MAD1L1: variants seen among roughly 807,000 people sequenced by gnomAD.
MAD1L1 encodes mitotic arrest deficient 1 like 1.
A neutral mutation model predicts 96.9 loss-of-function variants in MAD1L1; 95 were observed. That is an observed-to-expected ratio of 0.98 (90% CI 0.83 to 1.16). MAD1L1 has a LOEUF of 1.16. MAD1L1 is among the 50% of genes most tolerant of loss of function. MAD1L1 has a pLI of 0.00. For missense variants in MAD1L1, 1,007 were observed against 954.4 expected, an observed-to-expected ratio of 1.06 and a Z score of -0.73; for synonymous variants, 473 against 396.6, an observed-to-expected ratio of 1.19 and a Z score of -2.29.
intron 10 of MAD1L1, among the ~76,000 whole-genome samples, chr7:2,210,218 G>A (rs897642056): frequency 3.9e-5 from 6 of 152,162 alleles, no homozygotes; most frequent in African/African-American, 1.2e-4. Context: ...GACTACAGGT[G>A]CACACCACTG....
chr7:2,100,575 C>T (rs920180434), intron 11 of MAD1L1, among the ~76,000 whole-genome samples: 1 of 152,238 alleles, frequency 6.6e-6, no homozygotes, highest in African/African-American at 2.4e-5. Flanking sequence ...CCTCCTGACA[C>T]CTGAGAGCAG....
chr7:1,888,956 C>T (rs1392464328), intron 18 of MAD1L1, among the ~76,000 whole-genome samples: 1 of 152,242 alleles, frequency 6.6e-6, no homozygotes, highest in Non-Finnish European at 1.5e-5. Context: ...TGAAAGCTTC[C>T]ATGATGCACT....
chr7:1,944,058 G>A (rs942591016), intron 16 of MAD1L1, among the ~76,000 whole-genome samples: 1 of 152,010 alleles, frequency 6.6e-6, no homozygotes, highest in Non-Finnish European at 1.5e-5. Context: ...AAAGGCCACA[G>A]GACTCCCTTC....
chr7:1,848,129 AG>A (rs968619177), intron 18 of MAD1L1: 2 of 232,456 alleles, frequency 8.6e-6, no homozygotes, highest in Admixed American at 5.1e-5. Context: ...TGTCGCTCTC[AG>A]GGCTGGGTCC....
chr7:2,120,333 C>T (rs1267654538), intron 11 of MAD1L1, among the ~76,000 whole-genome samples: 1 of 152,254 alleles, frequency 6.6e-6, no homozygotes, highest in Non-Finnish European at 1.5e-5. Flanking sequence ...ACCACTTCCT[C>T]CCAGCTGATA....
intron 11 of MAD1L1, among the ~76,000 whole-genome samples, chr7:2,138,873 T>C (rs1788885778): frequency 6.6e-6 from 1 of 152,180 alleles, no homozygotes; most frequent in African/African-American, 2.4e-5. Context: ...CCTGAGCACC[T>C]GCTTGATGTT....
At chr7:1,854,456 A>G (rs1030691917) in intron 18 of MAD1L1, 1 of 438,204 alleles carries the variant, frequency 2.3e-6, no homozygotes, top group Non-Finnish European at 4.5e-6. Flanking sequence ...CCACAAGGGC[A>G]GGGTAAGGCA....
At position 2,074,910 on chromosome 7, in the gene MAD1L1, C is replaced by G. The variant is rs569225161; in HGVS notation, c.1074-5572G>C. On this transcript the variant is annotated intron_variant, in intron 11 of 18. Coordinates refer to ENST00000265854, the MANE Select transcript of MAD1L1 (RefSeq NM_001013836.2). ...ACAGGCGGTGTCAGAGCCGGGGACG[C>G]TTCCAATGGGCAGCTGGCGTGCTCA... Among the ~76,000 whole-genome samples, 2 of 152,280 alleles carry G rather than the reference C, an allele frequency of 1.3e-5. 1 individual carries two copies. Among genetic ancestry groups the G allele is most frequent in the Non-Finnish European group, 2.9e-5 (2 of 68,014 alleles).
chr7:2,000,222 G>C (rs946645521), intron 14 of MAD1L1, among the ~76,000 whole-genome samples: 1 of 151,974 alleles, frequency 6.6e-6, no homozygotes, highest in Non-Finnish European at 1.5e-5. Flanking sequence ...CAGCCCTCAC[G>C]CTCTCTACCT....
At chr7:1,818,889 G>A (rs2128619182) in intron 18 of MAD1L1, among the ~76,000 whole-genome samples, 1 of 151,958 alleles carries the variant, frequency 6.6e-6, no homozygotes, top group South Asian at 2.1e-4. Flanking sequence ...AGACAGGCAG[G>A]AGTAACCAGT....
intron 15 of MAD1L1, among the ~76,000 whole-genome samples, chr7:1,977,529 C>T (rs889329226): frequency 7.9e-5 from 12 of 152,364 alleles, no homozygotes; most frequent in African/African-American, 2.6e-4. Flanking sequence ...CAGAGGGAGC[C>T]GGCTCCGGCC....
chr7:1,878,432 G>A (rs1315859874), intron 18 of MAD1L1, among the ~76,000 whole-genome samples: 1 of 152,018 alleles, frequency 6.6e-6, no homozygotes, highest in Admixed American at 6.5e-5. Context: ...TTAGGAAATT[G>A]AATCTATCAA....
At chr7:1,997,691 C>T (rs1166186820) in intron 14 of MAD1L1, among the ~76,000 whole-genome samples, 1 of 152,274 alleles carries the variant, frequency 6.6e-6, no homozygotes, top group Non-Finnish European at 1.5e-5. Flanking sequence ...GAGCCCAGGG[C>T]TGCACAGCCC....
In MAD1L1 at chr7:2,222,668, C is replaced by T. The variant is rs751403567; in HGVS notation, c.378G>A (p.Glu126=). 2 of 1,613,184 alleles carry T rather than the reference C, an allele frequency of 1.2e-6. No individual in the cohort carries two copies. The highest frequency in any genetic ancestry group is 2.2e-5 in the South Asian group (2 of 91,058). The change falls in exon 5 of 19, where the codon GAG becomes GAA. Residue 126 remains glutamate (E), a synonymous_variant. Transcript: ENST00000265854. ...REAGAEEKMQ[E]QLERNRQCQQ... is the part of the protein sequence containing the mutation. ...GACACTGCCTGTTGCGCTCCAGCTGCTCCTGCATCTTCTCCTCCGCCCCGG... is the reference window on the plus strand; with the variant it reads ...GACACTGCCTGTTGCGCTCCAGCTGTTCCTGCATCTTCTCCTCCGCCCCGG...
chr7:1,898,746 A>C (rs187855325), intron 17 of MAD1L1, among the ~76,000 whole-genome samples: 1 of 152,172 alleles, frequency 6.6e-6, no homozygotes, highest in Non-Finnish European at 1.5e-5. Context: ...AGGAAGCCAC[A>C]GGGTCAGGAA....
At chr7:1,971,638 C>T (rs546737752) in intron 15 of MAD1L1, among the ~76,000 whole-genome samples, 22 of 152,106 alleles carry the variant, frequency 1.4e-4, no homozygotes, top group Non-Finnish European at 2.9e-4. Flanking sequence ...CTCAAAATCC[C>T]GGTAAAACAA....
chr7:1,894,841 G>T (rs1786768109), intron 18 of MAD1L1, among the ~76,000 whole-genome samples: 1 of 152,036 alleles, frequency 6.6e-6, no homozygotes. Context: ...TGAGGCTGGG[G>T]GAAAGAGGCT....
chr7:2,189,073 G>A (rs981416925), intron 10 of MAD1L1, among the ~76,000 whole-genome samples: 9 of 152,224 alleles, frequency 5.9e-5, no homozygotes, highest in Non-Finnish European at 8.8e-5. Flanking sequence ...CACATGGAAC[G>A]GTGCTCCACA....
intron 18 of MAD1L1, among the ~76,000 whole-genome samples, chr7:1,876,404 C>T (rs1785390500): frequency 6.7e-6 from 1 of 150,116 alleles, no homozygotes; most frequent in South Asian, 2.2e-4. Flanking sequence ...CCTTTCCCCA[C>T]CGTCCTCACC....
Sources: allele counts gnomAD v4.1 joint callset (sites outside exome capture counted in the v4.1 genomes callset), GRCh38; gene constraint gnomAD v4.1.1; transcripts MANE v1.5; gene names NCBI Gene and HGNC (gene_info 2026-07-23, HGNC 2026-07-21).